The following PHLDB1 variants were observed in gnomAD, a reference collection of about 807,000 sequenced individuals.
PHLDB1 encodes pleckstrin homology like domain family B member 1, also known as pleckstrin homology-like domain family B member 1.
Under a neutral mutation model 139.3 loss-of-function variants are expected in PHLDB1, and 65 were observed. That is an observed-to-expected ratio of 0.47 (90% CI 0.38 to 0.57). The LOEUF (loss-of-function observed/expected upper bound fraction) is 0.57, where lower values mean the gene tolerates loss of function less well. Among genes scored for constraint, PHLDB1 ranks in the 20% least tolerant of loss-of-function variants. The pLI, the probability that PHLDB1 is intolerant of heterozygous loss-of-function variation, is 0.00. For synonymous variants in PHLDB1, 679 were observed against 734.5 expected (o/e 0.92, Z 1.22); for missense variants, 1,624 against 1,839.7 (o/e 0.88, Z 2.14).
rs782752127 is a variant in PHLDB1, at chr11:118,631,464, G to C, written c.2085G>C (p.Glu695Asp). ...ENLKEECSST[E>D]STQQEHEDAP... The stretch of plus-strand genomic sequence containing the variant: ...TCAAGGAGGAGTGCAGCAGCACTGA[G>C]AGCACCCAGCAGGAGGTGAGATGGA... The change falls in exon 7 of 23, where the codon GAG becomes GAC. Residue 695 changes from glutamate (E) to aspartate (D), a missense_variant. By Grantham distance (45) the Glu-to-Asp change is conservative. Coordinates refer to ENST00000600882, the MANE Select transcript of PHLDB1 (RefSeq NM_001144758.3). 7.0e-7 allele frequency: 1 copy of C among 1,429,654 alleles called. No individual in the cohort carries two copies. The highest frequency in any genetic ancestry group is 2.7e-5 in the Admixed American group (1 of 37,402). The allele number at this position is 1,429,654 out of a possible 1,614,324, so 88.6% of individuals were successfully genotyped here.
chr11:118,632,679 A>G lies in PHLDB1; in HGVS notation c.2379+383A>G, dbSNP rs1944988726. On this transcript the variant is annotated intron_variant, in intron 9 of 22. Coordinates refer to ENST00000600882, the MANE Select transcript of PHLDB1 (RefSeq NM_001144758.3). This position sits in a 1 kb window ranked among gnomAD's most constrained non-coding sequence, Gnocchi z 5.9. ...CACCATCTGGAGAACATCTCCCTCC[A>G]AGCATGCCACAAGTGCTTACGTTGT... is the stretch of plus-strand genomic sequence containing the variant. The G allele has an allele frequency of 4.6e-6, 1 of 217,290 alleles. No individual in the cohort carries two copies. Among genetic ancestry groups the G allele is most frequent in the South Asian group, 9.9e-5 (1 of 10,062 alleles). 13.5% of individuals were successfully genotyped at this position (217,290 alleles called of 1,614,324 possible).
chr11:118,643,671 T>C lies in PHLDB1; in HGVS notation c.2878-129T>C, dbSNP rs1946964041. ...CCATTGGGCTGGCTCAGGAGGCTTG[T>C]TGTCAGAGCCAGAAGGCCTCAGAGG... On this transcript the variant is annotated intron_variant, in intron 13 of 22. Transcript: ENST00000600882. 71 of 1,553,394 alleles carry C rather than the reference T, an allele frequency of 4.6e-5. No homozygotes were observed. The South Asian group carries it at 6.9e-4, about 15-fold the overall frequency.
chr11:118,621,705 A>T (rs902877745), intron 4 of PHLDB1, among the ~76,000 whole-genome samples: 2 of 152,098 alleles, frequency 1.3e-5, no homozygotes, highest in Non-Finnish European at 2.9e-5. Context: ...TGTTCCCTGA[A>T]CATTTCTAAA....
chr11:118,651,854 G>A (rs1948400270), intron 20 of PHLDB1: 3 of 152,020 alleles, frequency 2.0e-5, no homozygotes, highest in Admixed American at 6.6e-5. Context: ...AATACATGTC[G>A]ACTGCACATT....
chr11:118,645,111 G>A lies in PHLDB1; in HGVS notation c.3122-245G>A. The A allele has an allele frequency of 2.1e-6, 1 of 469,976 alleles. No homozygotes were observed. Among genetic ancestry groups the A allele is most frequent in the East Asian group, 3.4e-5 (1 of 29,200 alleles). 29.1% of individuals were successfully genotyped at this position (469,976 alleles called of 1,614,324 possible). A position where few individuals can be genotyped will look rare whatever the true frequency, so the allele number is the denominator to read the frequency against. ...TTGGGTAGGTTTGGTGTCCTATATGGACTCAGGGTGCGAAAGAGCACTGAA... is the reference window on the plus strand; with the variant it reads ...TTGGGTAGGTTTGGTGTCCTATATGAACTCAGGGTGCGAAAGAGCACTGAA... On this transcript the variant is annotated intron_variant, in intron 15 of 22. Transcript: ENST00000600882. This position sits in a 1 kb window ranked among gnomAD's most constrained non-coding sequence, Gnocchi z 5.1.
At chr11:118,631,160 G>C (rs782553396) in intron 6 of PHLDB1, 47 bp from the exon 7 acceptor site, 1 of 1,372,482 alleles carries the variant, frequency 7.3e-7, no homozygotes, top group African/African-American at 1.5e-5. Context: ...TCCCCACCAG[G>C]GCTCAGCTTC....
intron 17 of PHLDB1, chr11:118,646,372 C>T (rs945093482): frequency 2.6e-5 from 4 of 151,800 alleles, no homozygotes; most frequent in Admixed American, 2.0e-4. Flanking sequence ...GCATAGTAAC[C>T]ATTCTCTAAC....
intron 4 of PHLDB1, 161 bp from the exon 5 acceptor site, chr11:118,624,773 C>T (rs782674545): frequency 3.8e-5 from 24 of 629,072 alleles, no homozygotes; most frequent in Admixed American, 2.1e-4. Context: ...CCACACCCGG[C>T]TAATTTTTGT....
intron 12 of PHLDB1, chr11:118,640,102 C>A: frequency 5.2e-6 from 3 of 582,136 alleles, no homozygotes; most frequent in Non-Finnish European, 6.5e-6. Flanking sequence ...AGCTGAAGGG[C>A]ATGTGGTGAT....
chr11:118,647,015 G>A (rs564518724), intron 17 of PHLDB1: 1 of 152,272 alleles, frequency 6.6e-6, no homozygotes, highest in Non-Finnish European at 1.5e-5. Flanking sequence ...TAGTAATTAA[G>A]ACATATAAAG....
rs1195794031 is a variant in PHLDB1, at chr11:118,627,626, C to T, written c.803C>T (p.Ala268Val). 1.1e-5 allele frequency: 18 copies of T among 1,612,744 alleles called. No individual in the cohort carries two copies. The highest frequency in any genetic ancestry group is 1.4e-5 in the Non-Finnish European group (16 of 1,180,008). ...TCACCAGCCAGCAGTGGAAGCTGTG[C>T]CAGTCACTCACCCAGTGGGCAAGAG... ...LSSPASSGSC[A>V]SHSPSGQEPG... is the part of the protein sequence containing the mutation. The change falls in exon 6 of 23, where the codon GCC becomes GTC. Residue 268 changes from alanine (A) to valine (V), a missense_variant. Physicochemically the swap from Ala to Val is moderately conservative, Grantham distance 64 (BLOSUM62 0). Transcript: ENST00000600882.
At position 118,610,193 on chromosome 11, in the gene PHLDB1, ATC is replaced by A. The variant is rs1332686787; in HGVS notation, c.-22+2498_-22+2499del. On this transcript the variant is annotated intron_variant, in intron 1 of 22. Coordinates refer to ENST00000600882, the MANE Select transcript of PHLDB1 (RefSeq NM_001144758.3). The surrounding 1 kb of genome is among the most constrained non-coding windows in gnomAD (Gnocchi z 8.7). The stretch of plus-strand genomic sequence containing the variant: ...CCCTCCCCAGCTTGCATTTTTTCCC[ATC>A]TCTTAGTCTGCCTTTCATTTTCCCC... Among the ~76,000 whole-genome samples, 1 of 136,894 alleles carries A rather than the reference ATC, an allele frequency of 7.3e-6. No individual in the cohort carries two copies. Among genetic ancestry groups the A allele is most frequent in the Non-Finnish European group, 1.6e-5 (1 of 63,238 alleles). The allele number at this position is 136,894 out of a possible 152,430, so 89.8% of individuals were successfully genotyped here. A position where few individuals can be genotyped will look rare whatever the true frequency, so the allele number is the denominator to read the frequency against.
chr11:118,641,513 TTTC>T, intron 12 of PHLDB1: 2 of 647,998 alleles, frequency 3.1e-6, no homozygotes, highest in Non-Finnish European at 4.4e-6. Context: ...GGCTCTGTAC[TTTC>T]TGCCCTTTCC....
chr11:118,631,104 CT>C (rs1204860910), intron 6 of PHLDB1, 102 bp from the exon 7 acceptor site: 3 of 1,075,334 alleles, frequency 2.8e-6, no homozygotes, highest in Admixed American at 3.1e-5. Context: ...TCCTAGCCCC[CT>C]GTAACCCTGC....
intron 1 of PHLDB1, chr11:118,613,150 A>G (rs1940831814): frequency 4.7e-6 from 1 of 211,480 alleles, no homozygotes; most frequent in African/African-American, 2.4e-5. Context: ...AGTTATCACT[A>G]AAGTTTTTTG....
At chr11:118,641,970 CCTGA>C (rs1333041961) in intron 12 of PHLDB1, 1 of 552,324 alleles carries the variant, frequency 1.8e-6, no homozygotes, top group African/African-American at 1.9e-5. Flanking sequence ...GAAGTTGTAC[CCTGA>C]CTGTTTCTCT....
intron 10 of PHLDB1, chr11:118,637,448 T>G (rs1300526583): frequency 6.6e-6 from 1 of 152,322 alleles, no homozygotes. Context: ...TTCAAGCGAT[T>G]CTCCTGCCTC....
rs147697830 is a variant in PHLDB1 at position 118,612,550 on chromosome 11, C to T, written c.-21-1266C>T. ...TTAATGGCGTTTTCCCTCCCCTCTT[C>T]CCTGGCAGTCTTGGGGTGGGCCCCA... On this transcript the variant is annotated intron_variant, in intron 1 of 22. Coordinates refer to ENST00000600882, the MANE Select transcript of PHLDB1 (RefSeq NM_001144758.3). 2.2e-3 allele frequency among the ~76,000 whole-genome samples: 334 copies of T among 152,312 alleles called. 2 individuals carry two copies. Among genetic ancestry groups the T allele is most frequent in the Middle Eastern group, 6.8e-3 (2 of 294 alleles).
rs369630236 is a variant in PHLDB1, at chr11:118,632,049, G to C, written c.2237G>C (p.Arg746Pro). The C allele has an allele frequency of 6.2e-7, 1 of 1,613,892 alleles. No homozygotes were observed. The highest frequency in any genetic ancestry group is 8.5e-7 in the Non-Finnish European group (1 of 1,179,866). ...GAGCAGCAGCTGCAGGAGTCAGCCC[G>C]AGAGGTGAGCCGTGAAGTCCCTAGC... ...ELEQQLQESA[R>P]EAEMERALLQ... The change falls in exon 8 of 23, where the codon CGA becomes CCA. Residue 746 changes from arginine (R) to proline (P), a missense_variant. Coordinates refer to ENST00000600882, the MANE Select transcript of PHLDB1 (RefSeq NM_001144758.3). This position sits in a 1 kb window ranked among gnomAD's most constrained non-coding sequence, Gnocchi z 5.9.
Sources: gnomAD v4.1 joint callset for allele counts (sites outside exome capture counted in the v4.1 genomes callset) on GRCh38, gnomAD v4.1.1 for gene constraint, Gnocchi (gnomAD v3.1) non-coding constraint, MANE v1.5 for transcripts, NCBI Gene and HGNC (gene_info 2026-07-23, HGNC 2026-07-21) for gene names.